The following CERS4 variants were observed in gnomAD, a reference collection of about 807,000 sequenced individuals.
The protein encoded by CERS4 is LAG1 homolog, ceramide synthase 4.
A neutral mutation model predicts 51.8 loss-of-function variants in CERS4; 65 were observed. That is an observed-to-expected ratio of 1.26 (90% CI 1.03 to 1.54). The LOEUF is 1.54. Among genes scored for constraint, CERS4 ranks in the 40% most tolerant of loss-of-function variants. The probability of loss-of-function intolerance (pLI) is 0.00; values close to 1 mark genes in which losing one functional copy is unlikely to be tolerated. For missense variants in CERS4, 563 were observed against 500.4 expected, an observed-to-expected ratio of 1.13 and a Z score of -1.19; for synonymous variants, 228 against 208.4, an observed-to-expected ratio of 1.09 and a Z score of -0.81.
intron 2 of CERS4, among the ~76,000 whole-genome samples, chr19:8,245,767 T>C (rs1968753409): frequency 6.6e-6 from 1 of 151,932 alleles, no homozygotes; most frequent in Non-Finnish European, 1.5e-5. Flanking sequence ...CTCAAACTCC[T>C]GATCGCAAGT....
intron 2 of CERS4, among the ~76,000 whole-genome samples, chr19:8,242,859 T>C (rs1030938271): frequency 1.3e-5 from 2 of 151,912 alleles, no homozygotes; most frequent in South Asian, 2.1e-4. Flanking sequence ...AGGCTTGAGA[T>C]TGTGAGAAGC....
At chr19:8,234,012 A>C (rs1968128392) in intron 2 of CERS4, among the ~76,000 whole-genome samples, 1 of 148,824 alleles carries the variant, frequency 6.7e-6, no homozygotes, top group South Asian at 2.1e-4. Flanking sequence ...CCTCGTCTCA[A>C]AATAAGAGAG....
At chr19:8,232,359 C>T (rs1176374322) in intron 2 of CERS4, among the ~76,000 whole-genome samples, 7 of 151,846 alleles carry the variant, frequency 4.6e-5, no homozygotes, top group Non-Finnish European at 1.0e-4. Flanking sequence ...GGTGCAATCT[C>T]GGCTCGCTGC....
chr19:8,235,007 C>CTTTTTTTTTT (rs566104740), intron 2 of CERS4, among the ~76,000 whole-genome samples: 2 of 127,924 alleles, frequency 1.6e-5, no homozygotes, highest in Non-Finnish European at 1.6e-5. Context: ...TTCTTTCTTT[C>CTTTTTTTTTT]TTTCTTTTTT....
chr19:8,223,089 T>G (rs934959331), intron 2 of CERS4, among the ~76,000 whole-genome samples: 2 of 152,050 alleles, frequency 1.3e-5, no homozygotes, highest in Non-Finnish European at 2.9e-5. Context: ...GTCCCAGCAC[T>G]TTGGGAGGTT....
chr19:8,255,553 G>A, intron 4 of CERS4, 54 bp from the exon 5 acceptor site: 2 of 1,500,570 alleles, frequency 1.3e-6, no homozygotes, highest in Non-Finnish European at 1.8e-6. Flanking sequence ...TGGGGACATG[G>A]GGGAAGCCAC....
chr19:8,251,909 G>C (rs1969102576), intron 3 of CERS4, among the ~76,000 whole-genome samples: 1 of 151,992 alleles, frequency 6.6e-6, no homozygotes, highest in Non-Finnish European at 1.5e-5. Context: ...AAACGCAGGG[G>C]TTTTAGCCCT....
chr19:8,221,840 A>G (rs1364722670), intron 2 of CERS4, among the ~76,000 whole-genome samples: 1 of 110,688 alleles, frequency 9.0e-6, no homozygotes, highest in Admixed American at 9.5e-5. Flanking sequence ...ATTTTATTTT[A>G]TATTTACTTA....
intron 2 of CERS4, 26 bp from the exon 3 acceptor site, chr19:8,251,050 C>T (rs746929993): frequency 1.2e-5 from 18 of 1,555,348 alleles, no homozygotes; most frequent in Non-Finnish European, 1.6e-5. Context: ...GCAGACCTCC[C>T]AGCTAACTGG....
intron 10 of CERS4, chr19:8,260,922 G>C (rs1969651425): frequency 6.9e-6 from 1 of 144,056 alleles, no homozygotes; most frequent in African/African-American, 2.6e-5. Flanking sequence ...TTGCACTCCA[G>C]CCTGGGTGAC....
At chr19:8,239,626 GCTGA>G (rs1172404973) in intron 2 of CERS4, 1 of 152,110 alleles carries the variant, frequency 6.6e-6, no homozygotes, top group Non-Finnish European at 1.5e-5. Flanking sequence ...TGTCCCCCTT[GCTGA>G]CTGAGTGACC....
chr19:8,262,006 A>T lies in CERS4; in HGVS notation c.1082A>T (p.Gln361Leu). The change falls in exon 12 of 12, where the codon CAG (glutamine) becomes CTG (leucine). Residue 361 changes from glutamine to leucine, a missense_variant. Transcript: ENST00000251363. Reference sequence around the variant, plus strand: ...GCGGCGGCGGCCCAGGAACCTCTGCAGCTAAAGAACGGGGCAGCTGGAGGG... The same window carrying T: ...GCGGCGGCGGCCCAGGAACCTCTGCTGCTAAAGAACGGGGCAGCTGGAGGG... The part of the protein sequence containing the change: ...EEAAAAQEPL[Q>L]LKNGAAGGPR... The T allele has an allele frequency of 1.3e-6, 2 of 1,593,902 alleles. No individual in the cohort carries two copies. The highest frequency in any genetic ancestry group is 1.7e-6 in the Non-Finnish European group (2 of 1,171,150).
chr19:8,251,082 G>A lies in CERS4; in HGVS notation c.6G>A (p.Leu2=). ...CTGGAACCTGTGTCCACAGAATGCT[G>A]TCCAGTTTCAACGAGTGGTTTTGGC... M[L]SSFNEWFWQD... is the part of the protein sequence containing the mutation. Residue 2 remains leucine (L), a synonymous_variant, in exon 3 of 12, where the codon CTG becomes CTA. Transcript: ENST00000251363. The A allele has an allele frequency of 3.8e-6, 6 of 1,599,742 alleles. No homozygotes were observed. The highest frequency in any genetic ancestry group is 5.1e-6 in the Non-Finnish European group (6 of 1,173,378).
At chr19:8,231,524 G>A (rs527378677) in intron 2 of CERS4, among the ~76,000 whole-genome samples, 1 of 152,004 alleles carries the variant, frequency 6.6e-6, no homozygotes, top group African/African-American at 2.4e-5. Context: ...TGTAGAATAT[G>A]GGGCTTTCCA....
intron 2 of CERS4, among the ~76,000 whole-genome samples, chr19:8,248,854 ATGGG>A (rs1303517085): frequency 7.9e-5 from 11 of 138,698 alleles, no homozygotes; most frequent in Middle Eastern, 3.6e-3. Context: ...AGATCTTTGG[ATGGG>A]TGGGTGGATG....
At chr19:8,249,204 C>CGATGGGTGGATGGAT (rs1266651982) in intron 2 of CERS4, among the ~76,000 whole-genome samples, 2 of 93,000 alleles carry the variant, frequency 2.2e-5, no homozygotes, top group Non-Finnish European at 2.3e-5. Context: ...GGTGGATGGA[C>CGATGGGTGGATGGAT]GATGGGTGGA....
chr19:8,256,108 C>A, intron 6 of CERS4, 128 bp from the exon 7 acceptor site: 3 of 1,080,754 alleles, frequency 2.8e-6, no homozygotes, highest in Non-Finnish European at 4.0e-6. Context: ...GAGTGAGAAG[C>A]AGGAAAAAGC....
In CERS4 at chr19:8,255,832, C is replaced by A. The variant is rs1969349283; in HGVS notation, c.421C>A (p.Leu141Ile). Residue 141 changes from leucine (L) to isoleucine (I), a missense_variant, in exon 6 of 12, where the codon CTC becomes ATC. Transcript: ENST00000251363. ...KKFCEASWRF[L>I]FYLSSFVGGL... ...CCTCCCCATCCACAGCTGGAGGTTT[C>A]TCTTCTACCTGTCCTCCTTCGTGGG... 2 of 1,613,998 alleles carry A rather than the reference C, an allele frequency of 1.2e-6. No individual in the cohort carries two copies. Among genetic ancestry groups the A allele is most frequent in the Non-Finnish European group, 1.7e-6 (2 of 1,180,020 alleles).
intron 10 of CERS4, 121 bp from the exon 11 acceptor site, chr19:8,261,567 G>GGGCACTA: frequency 8.9e-7 from 1 of 1,120,288 alleles, no homozygotes; most frequent in Non-Finnish European, 1.3e-6. Flanking sequence ...ATGGGGTGGG[G>GGGCACTA]GGCACTAGGG....
Sources: allele counts gnomAD v4.1 joint callset (sites outside exome capture counted in the v4.1 genomes callset), GRCh38; gene constraint gnomAD v4.1.1; transcripts MANE v1.5; gene names NCBI Gene and HGNC (gene_info 2026-07-23, HGNC 2026-07-21).